SLC41A2: variants seen among roughly 807,000 people sequenced by gnomAD.
SLC41A2 encodes solute carrier family 41 member 2.
A neutral mutation model predicts 58.3 loss-of-function variants in SLC41A2; 32 were observed. The observed-to-expected ratio is 0.55, with a 90% confidence interval of 0.41 to 0.74. SLC41A2 has a LOEUF of 0.74. Ranked by LOEUF, SLC41A2 falls within the 30% of genes least tolerant of loss-of-function variation. The pLI is 0.00. For synonymous variants in SLC41A2, 190 were observed against 235.0 expected (o/e 0.81, Z 1.75); for missense variants, 514 against 680.6 (o/e 0.76, Z 2.72).
chr12:104,931,247 T>C (rs2047042547), intron 1 of SLC41A2, among the ~76,000 whole-genome samples: 1 of 152,242 alleles, frequency 6.6e-6, no homozygotes, highest in Non-Finnish European at 1.5e-5. Context: ...TTTTTTGTTG[T>C]TGTTTGCTCA....
At chr12:104,922,557 T>G (rs562237065) in intron 2 of SLC41A2, among the ~76,000 whole-genome samples, 2 of 152,158 alleles carry the variant, frequency 1.3e-5, no homozygotes, top group East Asian at 1.9e-4. Flanking sequence ...GAGAGAGAGA[T>G]AGACTACAAT....
chr12:104,923,742 T>TA (rs1185328829), intron 2 of SLC41A2, among the ~76,000 whole-genome samples: 4 of 152,058 alleles, frequency 2.6e-5, no homozygotes, highest in Admixed American at 6.6e-5. Flanking sequence ...TCTGGACACA[T>TA]ACAACTATTG....
At chr12:104,834,053 T>C (rs1226777654) in intron 10 of SLC41A2, 3 of 985,240 alleles carry the variant, frequency 3.0e-6, no homozygotes, top group African/African-American at 1.7e-5. Flanking sequence ...TTTATCAGGC[T>C]TTACAAGACC....
In SLC41A2 at chr12:104,803,927, T is replaced by G. The variant is rs768517334; in HGVS notation, c.*1225A>C. 1.4e-4 allele frequency: 22 copies of G among 152,048 alleles called. No homozygotes were observed. The highest frequency in any genetic ancestry group is 3.9e-4 in the East Asian group (2 of 5,188). The allele number at this position is 152,048 out of a possible 1,614,324, so 9.4% of individuals were successfully genotyped here. A position where few individuals can be genotyped will look rare whatever the true frequency, so the allele number is the denominator to read the frequency against. ...CTCATTTTAAATCTCCTATCTTGATTATATTAAATAGTACTACTTTTTAAA... is the reference window on the plus strand; with the variant it reads ...CTCATTTTAAATCTCCTATCTTGATGATATTAAATAGTACTACTTTTTAAA... On this transcript the variant is annotated 3_prime_UTR_variant, in exon 11 of 11. Coordinates refer to ENST00000258538, the MANE Select transcript of SLC41A2 (RefSeq NM_001352171.3).
intron 10 of SLC41A2, among the ~76,000 whole-genome samples, chr12:104,829,046 T>C (rs1592952099): frequency 1.3e-5 from 2 of 152,330 alleles, no homozygotes; most frequent in Non-Finnish European, 2.9e-5. Context: ...ACTCTCATAG[T>C]AGTGGGAATG....
At chr12:104,935,289 C>T (rs2047217090) in intron 1 of SLC41A2, among the ~76,000 whole-genome samples, 1 of 151,886 alleles carries the variant, frequency 6.6e-6, no homozygotes, top group African/African-American at 2.4e-5. Context: ...ATCTATTGCA[C>T]TGTATGTTGA....
At chr12:104,850,224 ATTGTTTTTGTT>A (rs2042749199) in intron 8 of SLC41A2, among the ~76,000 whole-genome samples, 1 of 152,136 alleles carries the variant, frequency 6.6e-6, no homozygotes, top group Non-Finnish European at 1.5e-5. Context: ...ATGAAACTAC[ATTGTTTTTGTT>A]TTGTTTTTAT....
chr12:104,888,645 A>T (rs934407341), intron 5 of SLC41A2, among the ~76,000 whole-genome samples: 3 of 152,138 alleles, frequency 2.0e-5, no homozygotes, highest in African/African-American at 7.2e-5. Context: ...TCAACAGAGG[A>T]TGACTTTTGA....
In SLC41A2 at chr12:104,912,559, G is replaced by A. The variant is rs547376119; in HGVS notation, c.556-2797C>T. On this transcript the variant is annotated intron_variant, in intron 2 of 10. Coordinates refer to ENST00000258538, the MANE Select transcript of SLC41A2 (RefSeq NM_001352171.3). ...CACACAGGGAGGGCATGAAAGCTCC[G>A]TGTCTCTGCCCCCATACCTCGCCCT... is the stretch of plus-strand genomic sequence containing the variant. Among the ~76,000 whole-genome samples the A allele has an allele frequency of 2.6e-5, 4 of 152,264 alleles. No homozygotes were observed. In the South Asian group the frequency reaches 6.2e-4, roughly 24 times the overall value.
intron 1 of SLC41A2, among the ~76,000 whole-genome samples, chr12:104,948,271 A>G (rs540327507): frequency 6.6e-6 from 1 of 152,284 alleles, no homozygotes; most frequent in African/African-American, 2.4e-5. Context: ...CCTTTGGCCT[A>G]ATTTGCTTCC....
intron 10 of SLC41A2, among the ~76,000 whole-genome samples, chr12:104,823,225 T>C (rs1230423536): frequency 2.6e-5 from 4 of 152,170 alleles, no homozygotes; most frequent in Admixed American, 6.5e-5. Flanking sequence ...GATGTTGATT[T>C]TGGCAGAAAT....
chr12:104,841,605 T>C (rs772600932), intron 10 of SLC41A2, among the ~76,000 whole-genome samples: 15 of 152,166 alleles, frequency 9.9e-5, no homozygotes, highest in African/African-American at 2.4e-4. Flanking sequence ...CTTTGGGAAA[T>C]AGAGAATAAG....
chr12:104,832,629 A>C (rs1469077951), intron 10 of SLC41A2, among the ~76,000 whole-genome samples: 1 of 152,182 alleles, frequency 6.6e-6, no homozygotes, highest in African/African-American at 2.4e-5. Flanking sequence ...TGTTATAGCT[A>C]TAGATAATAC....
intron 6 of SLC41A2, among the ~76,000 whole-genome samples, chr12:104,883,167 C>T (rs980508432): frequency 4.6e-5 from 7 of 152,126 alleles, no homozygotes; most frequent in African/African-American, 1.7e-4. Context: ...TTTTCGGCTC[C>T]ATTGGGTCAT....
intron 6 of SLC41A2, among the ~76,000 whole-genome samples, chr12:104,875,132 T>C (rs977553969): frequency 6.6e-6 from 1 of 152,238 alleles, no homozygotes; most frequent in African/African-American, 2.4e-5. Flanking sequence ...TGTTAAACCA[T>C]ACTTGCATCC....
At chr12:104,954,250 A>G (rs923501550) in intron 1 of SLC41A2, among the ~76,000 whole-genome samples, 3 of 152,248 alleles carry the variant, frequency 2.0e-5, no homozygotes, top group Non-Finnish European at 4.4e-5. Flanking sequence ...CAATCTGATT[A>G]AATCCATTCA....
Position 104,815,072 on chromosome 12 carries a change from G to A in SLC41A2, c.1537-9735C>T, listed in dbSNP as rs188867642. 3.3e-5 allele frequency among the ~76,000 whole-genome samples: 5 copies of A among 152,054 alleles called. No individual in the cohort carries two copies. The East Asian group carries it at 5.8e-4, about 18-fold the overall frequency. On this transcript the variant is annotated intron_variant, in intron 10 of 10. Transcript: ENST00000258538. ...ACAATATGAATAAAGTTTTCTTCCCGTGCAATTTATTTTTAAAGGTATTGT... is the reference window on the plus strand; with the variant it reads ...ACAATATGAATAAAGTTTTCTTCCCATGCAATTTATTTTTAAAGGTATTGT...
intron 10 of SLC41A2, among the ~76,000 whole-genome samples, chr12:104,819,251 T>A (rs921032157): frequency 1.3e-5 from 2 of 152,194 alleles, no homozygotes; most frequent in Non-Finnish European, 2.9e-5. Context: ...TTGGACATTT[T>A]AAAATATACT....
chr12:104,935,328 A>G (rs1193658959), intron 1 of SLC41A2, among the ~76,000 whole-genome samples: 1 of 151,034 alleles, frequency 6.6e-6, no homozygotes, highest in African/African-American at 2.4e-5. Flanking sequence ...TCTATGTTTC[A>G]AAATGCCAAA....
Sources: gnomAD v4.1 joint callset for allele counts (sites outside exome capture counted in the v4.1 genomes callset) on GRCh38, gnomAD v4.1.1 for gene constraint, MANE v1.5 for transcripts, NCBI Gene and HGNC (gene_info 2026-07-23, HGNC 2026-07-21) for gene names.